Variants in ENTPD1 observed in about 807,000 individuals in gnomAD.
ENTPD1 encodes ATP diphosphohydrolase.
ENTPD1 carries 33 observed loss-of-function variants against 57.0 expected under a neutral mutation model. The observed-to-expected ratio is 0.58, with a 90% CI of 0.44 to 0.77. ENTPD1 has a LOEUF of 0.77. ENTPD1 is among the 30% of genes least tolerant of loss of function. The pLI is 0.00. For missense variants in ENTPD1, 501 were observed against 603.4 expected (o/e 0.83, Z 1.78); for synonymous variants, 202 against 218.8 (o/e 0.92, Z 0.68).
At chr10:95,844,383 C>A in intron 4 of ENTPD1, 93 bp from the exon 5 acceptor site, 1 of 1,555,944 alleles carries the variant, frequency 6.4e-7, no homozygotes, top group South Asian at 1.1e-5. Flanking sequence ...TGGTTCACTT[C>A]TTAGTAGCAC....
chr10:95,737,484 G>C (rs1012057194), intron 1 of ENTPD1, among the ~76,000 whole-genome samples: 1 of 151,610 alleles, frequency 6.6e-6, no homozygotes, highest in Admixed American at 6.6e-5. Context: ...TCCTGGGTTT[G>C]AGCAATTATT....
At chr10:95,766,916 G>A (rs1489382068) in intron 1 of ENTPD1, among the ~76,000 whole-genome samples, 2 of 146,788 alleles carry the variant, frequency 1.4e-5, no homozygotes, top group Non-Finnish European at 3.0e-5. Context: ...GTCTTGCTCT[G>A]TCACCTAGGC....
At chr10:95,734,849 C>T (rs1038937379) in intron 1 of ENTPD1, among the ~76,000 whole-genome samples, 6 of 152,134 alleles carry the variant, frequency 3.9e-5, no homozygotes, top group East Asian at 1.9e-4. Context: ...AAGATCCCTT[C>T]GCTCTTTTAG....
Position 95,870,881 on chromosome 10 carries a change from T to G in ENTPD1, c.*4498T>G. 6 of 985,478 alleles carry G rather than the reference T, an allele frequency of 6.1e-6. No individual in the cohort carries two copies. Among genetic ancestry groups the G allele is most frequent in the Non-Finnish European group, 7.2e-6 (6 of 829,940 alleles). The allele number at this position is 985,478 out of a possible 1,614,324, so 61.0% of individuals were successfully genotyped here. On this transcript the variant is annotated 3_prime_UTR_variant, in exon 10 of 10. Coordinates refer to ENST00000371205, the MANE Select transcript of ENTPD1 (RefSeq NM_001776.6). ...TTGCTGCAGTAAACATTGATTTTCA[T>G]GTTTGTGAGTCTGCAAGCCAGCTGG... is the stretch of plus-strand genomic sequence containing the variant.
At chr10:95,741,882 C>T (rs2098000699) in intron 1 of ENTPD1, among the ~76,000 whole-genome samples, 1 of 152,152 alleles carries the variant, frequency 6.6e-6, no homozygotes. Flanking sequence ...TTTCTTCAGA[C>T]TTTGCTGCCC....
intron 1 of ENTPD1, among the ~76,000 whole-genome samples, chr10:95,762,037 T>C (rs958219955): frequency 3.9e-5 from 6 of 151,984 alleles, no homozygotes; most frequent in Non-Finnish European, 5.9e-5. Context: ...AGAAAATAAG[T>C]TGTTGGAGAA....
At chr10:95,834,717 G>A (rs528459790) in intron 2 of ENTPD1, among the ~76,000 whole-genome samples, 16 of 152,216 alleles carry the variant, frequency 1.1e-4, no homozygotes, top group African/African-American at 3.9e-4. Context: ...TCCAGTCTCA[G>A]TGAGCTTAGG....
intron 7 of ENTPD1, among the ~76,000 whole-genome samples, chr10:95,857,207 G>C (rs1408264708): frequency 6.6e-6 from 1 of 152,106 alleles, no homozygotes; most frequent in Non-Finnish European, 1.5e-5. Context: ...TGGACCAGGA[G>C]GCCCTGCTGA....
chr10:95,844,783 A>G, intron 5 of ENTPD1, 148 bp downstream of exon 5: 2 of 1,040,364 alleles, frequency 1.9e-6, no homozygotes, highest in Non-Finnish European at 3.0e-6. Context: ...ATTTACTCTC[A>G]CATTTGTAAG....
intron 8 of ENTPD1, among the ~76,000 whole-genome samples, chr10:95,863,722 G>A (rs926051874): frequency 2.0e-5 from 3 of 152,154 alleles, no homozygotes; most frequent in African/African-American, 2.4e-5. Flanking sequence ...AGAGAAATCT[G>A]GGAAAAGAGG....
At chr10:95,860,780 T>G (rs775112983) in intron 8 of ENTPD1, among the ~76,000 whole-genome samples, 198 bp downstream of exon 8, 1 of 151,950 alleles carries the variant, frequency 6.6e-6, no homozygotes, top group Non-Finnish European at 1.5e-5. Flanking sequence ...TTAAATAAGA[T>G]CTTATTTTTT....
At position 95,842,371 on chromosome 10, in the gene ENTPD1, A is replaced by G; in HGVS notation, c.290A>G (p.Lys97Arg). The change falls in exon 4 of 10, where the codon AAA becomes AGA. Residue 97 changes from lysine to arginine, a missense_variant. Transcript: ENST00000371205. ...KGPGISKFVQKVNEIGIYLTD... is the reference protein window; with the variant it reads ...KGPGISKFVQRVNEIGIYLTD... ...CCTGGAATCTCAAAATTTGTTCAGA[A>G]AGTAAATGAAATAGGCATTTACCTG... 2 of 1,614,106 alleles carry G rather than the reference A, an allele frequency of 1.2e-6. No homozygotes were observed. The highest frequency in any genetic ancestry group is 2.2e-5 in the South Asian group (2 of 91,088).
chr10:95,811,001 C>T (rs1167409716), intron 1 of ENTPD1, among the ~76,000 whole-genome samples: 1 of 152,200 alleles, frequency 6.6e-6, no homozygotes, highest in Non-Finnish European at 1.5e-5. Context: ...TGCAGATACT[C>T]TGTGTTGATG....
chr10:95,839,659 A>G (rs764166777), intron 2 of ENTPD1, 32 bp from the exon 3 acceptor site: 4 of 1,605,020 alleles, frequency 2.5e-6, no homozygotes, highest in Non-Finnish European at 3.4e-6. Context: ...GTGATGTGAT[A>G]CTGATAAGTT....
In ENTPD1 at chr10:95,874,095, A is replaced by C. The variant is rs2098483338; in HGVS notation, c.*7712A>C. Among the ~76,000 whole-genome samples the C allele has an allele frequency of 2.6e-5, 4 of 152,054 alleles. No homozygotes were observed. Among genetic ancestry groups the C allele is most frequent in the Admixed American group, 2.6e-4 (4 of 15,272 alleles). ...AATTTCATAATCCTCACATTTCAAA[A>C]CCAATCATTCCTTCCCAACAGTTCC... On this transcript the variant is annotated 3_prime_UTR_variant, in exon 10 of 10. Coordinates refer to ENST00000371205, the MANE Select transcript of ENTPD1 (RefSeq NM_001776.6).
intron 1 of ENTPD1, among the ~76,000 whole-genome samples, chr10:95,738,406 AG>A (rs1370713593): frequency 1.3e-5 from 2 of 152,228 alleles, no homozygotes; most frequent in African/African-American, 4.8e-5. Context: ...AGGCAAACCT[AG>A]GGCCAAAACT....
Position 95,731,781 on chromosome 10 carries a change from C to CTTTTTTTTTTTTT in ENTPD1, c.37+19797_37+19809dup, listed in dbSNP as rs34841311. Among the ~76,000 whole-genome samples the CTTTTTTTTTTTTT allele has an allele frequency of 4.3e-3, 341 of 79,170 alleles. 52 individuals are homozygous for CTTTTTTTTTTTTT. The highest frequency in any genetic ancestry group is 9.4e-3 in the South Asian group (17 of 1,804). The allele number at this position is 79,170 out of a possible 152,430, so 51.9% of individuals were successfully genotyped here. A position where few individuals can be genotyped will look rare whatever the true frequency, so the allele number is the denominator to read the frequency against. ...GGTAAGAATTAGAGGAGTGGACATC[C>CTTTTTTTTTTTTT]TTTTTTTTTTTTTTTTTTTTTGACA... On this transcript the variant is annotated intron_variant, in intron 1 of 9. Coordinates refer to the ENTPD1 transcript ENST00000453258.
At position 95,871,653 on chromosome 10, in the gene ENTPD1, T is replaced by G. The variant is rs1841595676; in HGVS notation, c.*5270T>G. The G allele has an allele frequency of 1.0e-6, 1 of 984,862 alleles. No homozygotes were observed. The highest frequency in any genetic ancestry group is 1.2e-6 in the Non-Finnish European group (1 of 829,504). The allele number at this position is 984,862 out of a possible 1,614,324, so 61.0% of individuals were successfully genotyped here. ...ACTCTTCATTTGAAGTGAAGATTGCTATGTCTTTTGCATTGCTCTATTTTA... is the reference window on the plus strand; with the variant it reads ...ACTCTTCATTTGAAGTGAAGATTGCGATGTCTTTTGCATTGCTCTATTTTA... On this transcript the variant is annotated 3_prime_UTR_variant, in exon 10 of 10. Coordinates refer to ENST00000371205, the MANE Select transcript of ENTPD1 (RefSeq NM_001776.6).
chr10:95,731,851 C>T (rs571820927), intron 1 of ENTPD1, among the ~76,000 whole-genome samples: 8 of 123,502 alleles, frequency 6.5e-5, no homozygotes, highest in South Asian at 5.6e-4. Context: ...GGTGTGATCT[C>T]GGCTCACTGC....
Sources: gnomAD v4.1 joint callset for allele counts (sites outside exome capture counted in the v4.1 genomes callset) on GRCh38, gnomAD v4.1.1 for gene constraint, MANE v1.5 for transcripts, NCBI Gene and HGNC (gene_info 2026-07-23, HGNC 2026-07-21) for gene names.